The following FAT4 variants were observed in gnomAD, a reference collection of about 807,000 sequenced individuals.
The protein encoded by FAT4 is FAT atypical cadherin 4.
Under a neutral mutation model 303.9 loss-of-function variants are expected in FAT4, and 84 were observed. That is an observed-to-expected ratio of 0.28 (90% CI 0.23 to 0.33). The LOEUF is 0.33. FAT4 is among the 10% of genes least tolerant of loss of function. FAT4 has a pLI of 1.00. For missense variants in FAT4, 6,005 were observed against 6,146.8 expected, an observed-to-expected ratio of 0.98 and a Z score of 0.77; for synonymous variants, 2,307 against 2,298.8, an observed-to-expected ratio of 1.00 and a Z score of -0.10.
chr4:125,378,206 T>A (rs1368870156), intron 2 of FAT4, among the ~76,000 whole-genome samples: 1 of 152,100 alleles, frequency 6.6e-6, no homozygotes, highest in African/African-American at 2.4e-5. Context: ...AAATCTAAAC[T>A]GTTTGTAGCA....
chr4:125,440,416 G>A (rs919012433), intron 8 of FAT4, among the ~76,000 whole-genome samples: 5 of 151,728 alleles, frequency 3.3e-5, no homozygotes, highest in Non-Finnish European at 7.4e-5. Context: ...TCACACTACA[G>A]GCCAGGCCAT....
intron 7 of FAT4, among the ~76,000 whole-genome samples, chr4:125,417,185 G>A (rs1245795293): frequency 6.6e-6 from 1 of 152,086 alleles, no homozygotes; most frequent in Non-Finnish European, 1.5e-5. Flanking sequence ...TGCCCTATAA[G>A]CTTATTGAGT....
At chr4:125,355,267 A>G (rs1008617217) in intron 2 of FAT4, among the ~76,000 whole-genome samples, 1 of 151,978 alleles carries the variant, frequency 6.6e-6, no homozygotes, top group Non-Finnish European at 1.5e-5. Context: ...TCTCTAAAGT[A>G]AAATTAGTTT....
intron 11 of FAT4, among the ~76,000 whole-genome samples, chr4:125,465,935 G>A (rs1726646285): frequency 6.6e-6 from 1 of 152,110 alleles, no homozygotes. Context: ...ATGGAATGTG[G>A]ATGAAAGGTA....
At chr4:125,489,740 CTTT>C (rs1349893883) in intron 17 of FAT4, among the ~76,000 whole-genome samples, 158 bp from the exon 18 acceptor site, 1 of 150,542 alleles carries the variant, frequency 6.6e-6, no homozygotes, top group African/African-American at 2.4e-5. Context: ...GCTTAATTAT[CTTT>C]CAGCTGGATG....
chr4:125,390,280 C>CT (rs1733931688), intron 2 of FAT4, among the ~76,000 whole-genome samples: 1 of 152,144 alleles, frequency 6.6e-6, no homozygotes, highest in Non-Finnish European at 1.5e-5. Context: ...ACACATCACC[C>CT]TGATGCGGTC....
chr4:125,388,900 T>A (rs1460209167), intron 2 of FAT4, among the ~76,000 whole-genome samples: 2 of 152,220 alleles, frequency 1.3e-5, no homozygotes, highest in Admixed American at 1.3e-4. Context: ...GCCTGCCTGT[T>A]ATTCATACAT....
In FAT4 at chr4:125,320,429, A is replaced by G; in HGVS notation, c.4018A>G (p.Thr1340Ala). Reference sequence around the variant, plus strand: ...TGAACTCGTGTCCTCTGTTACTGCAACTGATTCCGATTCAGGTGACAATGC... The same window carrying G: ...TGAACTCGTGTCCTCTGTTACTGCAGCTGATTCCGATTCAGGTGACAATGC... ...IGELVSSVTATDSDSGDNADL... is the reference protein window; with the variant it reads ...IGELVSSVTAADSDSGDNADL... The change falls in exon 2 of 18, where the codon ACT (threonine) becomes GCT (alanine). Residue 1340 changes from threonine (T) to alanine (A), a missense_variant. Physicochemically the swap from Thr to Ala is moderately conservative, Grantham distance 58. Coordinates refer to ENST00000394329, the MANE Select transcript of FAT4 (RefSeq NM_001291303.3). 2 of 1,613,984 alleles carry G rather than the reference A, an allele frequency of 1.2e-6. No homozygotes were observed. Among genetic ancestry groups the G allele is most frequent in the East Asian group, 2.2e-5 (1 of 44,864 alleles).
At chr4:125,446,685 C>A in intron 9 of FAT4, 142 bp downstream of exon 9, 1 of 809,798 alleles carries the variant, frequency 1.2e-6, no homozygotes, top group Non-Finnish European at 1.8e-6. Context: ...GTTGTTTTGT[C>A]TGATGGAAAT....
chr4:125,478,201 A>G (rs921717957), intron 14 of FAT4, among the ~76,000 whole-genome samples: 4 of 152,230 alleles, frequency 2.6e-5, no homozygotes, highest in African/African-American at 7.2e-5. Flanking sequence ...TTTGTAACTT[A>G]AGTATTTTAA....
chr4:125,479,451 T>C (rs967510055), intron 14 of FAT4, among the ~76,000 whole-genome samples: 2 of 152,192 alleles, frequency 1.3e-5, no homozygotes, highest in Non-Finnish European at 2.9e-5. Context: ...AAAGTGTTTA[T>C]TTGACCAAGG....
chr4:125,476,312 CT>C, intron 13 of FAT4, 56 bp downstream of exon 13: 1 of 931,658 alleles, frequency 1.1e-6, no homozygotes, highest in Non-Finnish European at 1.6e-6. Context: ...TTAAAATAAA[CT>C]TTATACCTAA....
intron 2 of FAT4, among the ~76,000 whole-genome samples, chr4:125,374,917 T>A (rs2125994312): frequency 6.6e-6 from 1 of 152,338 alleles, no homozygotes; most frequent in East Asian, 1.9e-4. Flanking sequence ...AGCTGTCATA[T>A]TAACACATAG....
rs1727609021 is a variant in FAT4 at position 125,490,894 on chromosome 4, C to T, written c.14078C>T (p.Ala4693Val). 6.2e-7 allele frequency: 1 copy of T among 1,614,220 alleles called. No individual in the cohort carries two copies. The highest frequency in any genetic ancestry group is 8.5e-7 in the Non-Finnish European group (1 of 1,180,050). ...AGAACCAGCTCCCTAAGCCACTCAG[C>T]ATGCCCAACTCCCAACCCTCTGTCT... ...GLRTSSLSHS[A>V]CPTPNPLSRH... is the part of the protein sequence containing the mutation. The change falls in exon 18 of 18, where the codon GCA (alanine) becomes GTA (valine). Residue 4693 changes from alanine (A) to valine (V), a missense_variant. By Grantham distance (64) the Ala-to-Val change is moderately conservative. Transcript: ENST00000394329.
chr4:125,345,271 C>T (rs540945792), intron 2 of FAT4, among the ~76,000 whole-genome samples: 2 of 152,062 alleles, frequency 1.3e-5, no homozygotes, highest in East Asian at 1.9e-4. Flanking sequence ...AATAGAACAG[C>T]GAAAATATTC....
At position 125,448,908 on chromosome 4, in the gene FAT4, A is replaced by G; in HGVS notation, c.7898A>G (p.Lys2633Arg). The change falls in exon 10 of 18, where the codon AAG (lysine) becomes AGG (arginine). Residue 2633 changes from lysine to arginine, a missense_variant. Lys to Arg is a conservative substitution (Grantham distance 26, BLOSUM62 2). Coordinates refer to ENST00000394329, the MANE Select transcript of FAT4 (RefSeq NM_001291303.3). ...ATTAGTCAACCTCTGGATTTTGAAA[A>G]GATACAAAAATATGTTGTATGGATA... ...VSISQPLDFE[K>R]IQKYVVWIEA... 7 of 1,612,156 alleles carry G rather than the reference A, an allele frequency of 4.3e-6. No individual in the cohort carries two copies. The highest frequency in any genetic ancestry group is 5.9e-6 in the Non-Finnish European group (7 of 1,179,550).
Position 125,319,315 on chromosome 4 carries a change from A to G in FAT4, c.2904A>G (p.Ala968=), listed in dbSNP as rs924023456. 6.2e-7 allele frequency: 1 copy of G among 1,614,002 alleles called. No individual in the cohort carries two copies. Among genetic ancestry groups the G allele is most frequent in the Non-Finnish European group, 8.5e-7 (1 of 1,180,024 alleles). ...GCTCCTACCAAATAGAGATCTTGGC[A>G]TCTGACATGGGTGTCCCACAGCTCT... ...HAGSYQIEIL[A]SDMGVPQLSS... Residue 968 remains alanine (A), a synonymous_variant, in exon 2 of 18, where the codon GCA becomes GCG. Coordinates refer to ENST00000394329, the MANE Select transcript of FAT4 (RefSeq NM_001291303.3).
intron 16 of FAT4, among the ~76,000 whole-genome samples, chr4:125,486,935 G>A (rs1049281158): frequency 6.6e-6 from 1 of 151,980 alleles, no homozygotes; most frequent in African/African-American, 2.4e-5. Flanking sequence ...TTTGCAAGTG[G>A]TTTTCACAAT....
rs1727446158 is a variant in FAT4, at chr4:125,487,421, A to G, written c.12899A>G (p.Tyr4300Cys). The G allele has an allele frequency of 1.2e-6, 2 of 1,614,102 alleles. No individual in the cohort carries two copies. Among genetic ancestry groups the G allele is most frequent in the Admixed American group, 1.7e-5 (1 of 60,022 alleles). Residue 4300 changes from tyrosine (Y) to cysteine (C), a missense_variant, in exon 17 of 18, where the codon TAT (tyrosine) becomes TGT (cysteine). Tyr to Cys is a radical substitution (Grantham distance 194). Transcript: ENST00000394329. ...GKVERNIPEV[Y>C]VADGHWHTFL... is the part of the protein sequence containing the mutation. Reference sequence around the variant, plus strand: ...GTGGAGAGAAATATTCCTGAAGTATATGTTGCAGACGGCCACTGGCACACT... The same window carrying G: ...GTGGAGAGAAATATTCCTGAAGTATGTGTTGCAGACGGCCACTGGCACACT...
Sources: allele counts gnomAD v4.1 joint callset (sites outside exome capture counted in the v4.1 genomes callset), GRCh38; gene constraint gnomAD v4.1.1; transcripts MANE v1.5; gene names NCBI Gene and HGNC (gene_info 2026-07-23, HGNC 2026-07-21).